PELP1: variants seen among roughly 807,000 people sequenced by gnomAD.
The protein encoded by PELP1 is proline-, glutamic acid- and leucine-rich protein 1.
A neutral mutation model predicts 95.5 loss-of-function variants in PELP1; 32 were observed. The ratio of observed to expected loss-of-function variants is 0.34; its 90% CI spans 0.25 to 0.45. The LOEUF is 0.45. Ranked by LOEUF, PELP1 falls within the 20% of genes least tolerant of loss-of-function variation. The probability of loss-of-function intolerance (pLI) is 1.00; values close to 1 mark genes in which losing one functional copy is unlikely to be tolerated. For missense variants in PELP1, 1,358 were observed against 1,444.8 expected (o/e 0.94, Z 0.97); for synonymous variants, 668 against 600.1 (o/e 1.11, Z -1.65).
chr17:4,703,970 G>C lies in PELP1; in HGVS notation c.142C>G (p.Arg48Gly). 1 of 1,613,604 alleles carries C rather than the reference G, an allele frequency of 6.2e-7. No homozygotes were observed. Among genetic ancestry groups the C allele is most frequent in the African/African-American group, 1.3e-5 (1 of 75,042 alleles). ...LESVSGLLQP[R>G]TGSAVAPVHP... ...ACCGGAGCAACGGCAGACCCCGTTCGAGGTTGCAGCAAACCAGAAACACTC... is the reference window on the plus strand; with the variant it reads ...ACCGGAGCAACGGCAGACCCCGTTCCAGGTTGCAGCAAACCAGAAACACTC... The change falls in exon 1 of 17, where the codon CGA (arginine) becomes GGA (glycine). Residue 48 changes from arginine (R) to glycine (G), a missense_variant. Physicochemically the swap from Arg to Gly is moderately radical, Grantham distance 125 (BLOSUM62 -2). Around this residue, in one of 7 missense-constraint regions of PELP1, gnomAD observed 169 missense variants for 134.9 expected, o/e 1.25. Coordinates refer to ENST00000572293, the MANE Select transcript of PELP1 (RefSeq NM_014389.3).
intron 1 of PELP1, among the ~76,000 whole-genome samples, chr17:4,695,909 C>T (rs566428160): frequency 2.6e-5 from 4 of 151,446 alleles, no homozygotes; most frequent in East Asian, 3.9e-4. Flanking sequence ...TCAGGTGATC[C>T]GCCCACCTTG....
Position 4,674,514 on chromosome 17 carries a change from GA to G in PELP1, c.1577del (p.Leu526ProfsTer40). On this transcript the variant is annotated frameshift_variant, in exon 13 of 17. Coordinates refer to ENST00000572293, the MANE Select transcript of PELP1 (RefSeq NM_014389.3). LOFTEE classifies it high-confidence loss of function. The part of the protein sequence containing the change: ...NANSDVCAAA[L>X]RGLSRTILMC... Reference sequence around the variant, plus strand: ...CAGGGCACAGGCCTCACCCACCTCTGAGTGCAGCCGCACACACGTCGCTGTT... The same window carrying G: ...CAGGGCACAGGCCTCACCCACCTCTGGTGCAGCCGCACACACGTCGCTGTT... The G allele has an allele frequency of 6.2e-7, 1 of 1,612,118 alleles. No homozygotes were observed. The highest frequency in any genetic ancestry group is 8.5e-7 in the Non-Finnish European group (1 of 1,179,230).
intron 1 of PELP1, among the ~76,000 whole-genome samples, chr17:4,697,823 T>C (rs1052293636): frequency 3.3e-5 from 5 of 151,856 alleles, no homozygotes; most frequent in Non-Finnish European, 4.4e-5. Context: ...GATGTTAAAA[T>C]GAGTGGGTGA....
At chr17:4,676,564 C>G (rs925948221) in intron 6 of PELP1, 57 bp from the exon 7 acceptor site, 1 of 1,595,922 alleles carries the variant, frequency 6.3e-7, no homozygotes. Flanking sequence ...GCCACAGAAC[C>G]CCCAGCCCCA....
chr17:4,693,344 C>T (rs1445627298), intron 1 of PELP1, among the ~76,000 whole-genome samples: 2 of 152,208 alleles, frequency 1.3e-5, no homozygotes, highest in African/African-American at 4.8e-5. Context: ...CCCTTATCTG[C>T]AGGGGGTGCT....
chr17:4,693,375 C>A (rs1913181746), intron 1 of PELP1, among the ~76,000 whole-genome samples: 3 of 152,222 alleles, frequency 2.0e-5, no homozygotes, highest in Admixed American at 2.0e-4. Flanking sequence ...CAGGCAGGTG[C>A]CTGAAACCTC....
In PELP1 at chr17:4,672,447, AGGC is replaced by A. The variant is rs763233619; in HGVS notation, c.2541_2543del (p.Pro848del). The A allele has an allele frequency of 2.0e-6, 3 of 1,530,682 alleles. No homozygotes were observed. Among genetic ancestry groups the A allele is most frequent in the Non-Finnish European group, 1.8e-6 (2 of 1,130,744 alleles). The allele number at this position is 1,530,682 out of a possible 1,614,324, so 94.8% of individuals were successfully genotyped here. A position where few individuals can be genotyped will look rare whatever the true frequency, so the allele number is the denominator to read the frequency against. ...GAGGGAGCGTCACAGGACCAGGAACAGGCGGCGGCGGAGGTGGGGGTGGCGGGA... is the reference window on the plus strand; with the variant it reads ...GAGGGAGCGTCACAGGACCAGGAACAGGCGGCGGAGGTGGGGGTGGCGGGA... On this transcript the variant is annotated inframe_deletion, in exon 16 of 17. Coordinates refer to ENST00000572293, the MANE Select transcript of PELP1 (RefSeq NM_014389.3).
intron 3 of PELP1, among the ~76,000 whole-genome samples, chr17:4,688,565 A>G (rs1388587320): frequency 1.3e-4 from 20 of 152,202 alleles, no homozygotes; most frequent in Admixed American, 1.3e-3. Flanking sequence ...TAAGCTGAGA[A>G]TAAAATCAAG....
Position 4,671,299 on chromosome 17 carries a change from G to T in PELP1, c.*140C>A. The T allele has an allele frequency of 1.6e-6, 1 of 641,822 alleles. No homozygotes were observed. Among genetic ancestry groups the T allele is most frequent in the Non-Finnish European group, 2.8e-6 (1 of 354,974 alleles). The allele number at this position is 641,822 out of a possible 1,614,324, so 39.8% of individuals were successfully genotyped here. A position where few individuals can be genotyped will look rare whatever the true frequency, so the allele number is the denominator to read the frequency against. ...GAGGACAGCTATGGAGACATCTGGG[G>T]AATACTATGGACACCCTGAAAAGCC... is the stretch of plus-strand genomic sequence containing the variant. On this transcript the variant is annotated 3_prime_UTR_variant, in exon 17 of 17. Coordinates refer to ENST00000572293, the MANE Select transcript of PELP1 (RefSeq NM_014389.3).
chr17:4,700,466 G>A (rs1913480256), intron 1 of PELP1, among the ~76,000 whole-genome samples: 1 of 152,042 alleles, frequency 6.6e-6, no homozygotes, highest in Non-Finnish European at 1.5e-5. Context: ...CCAACATGGT[G>A]AAACTCCGTC....
chr17:4,703,310 C>T (rs769868374), intron 1 of PELP1, among the ~76,000 whole-genome samples: 1 of 152,280 alleles, frequency 6.6e-6, no homozygotes, highest in Non-Finnish European at 1.5e-5. Flanking sequence ...CTACCCAACC[C>T]CTATTCATCC....
intron 4 of PELP1, 40 bp from the exon 5 acceptor site, chr17:4,682,613 A>G: frequency 1.3e-6 from 2 of 1,532,668 alleles, no homozygotes; most frequent in Non-Finnish European, 1.8e-6. Context: ...GGCTGCGAGC[A>G]CCATGTCACC....
Position 4,703,931 on chromosome 17 carries a change from G to T in PELP1, c.181C>A (p.Arg61Ser). 4 of 1,613,598 alleles carry T rather than the reference G, an allele frequency of 2.5e-6. No homozygotes were observed. Among genetic ancestry groups the T allele is most frequent in the Non-Finnish European group, 3.4e-6 (4 of 1,179,734 alleles). The change falls in exon 1 of 17, where the codon CGC becomes AGC. Residue 61 changes from arginine to serine, a missense_variant. Arg to Ser is a moderately radical substitution (Grantham distance 110, BLOSUM62 -1). This residue lies in a region of PELP1 where 169 missense variants were observed against 134.9 expected (regional missense o/e 1.25). Transcript: ENST00000572293. ...SAVAPVHPPNRSAPHLPGLMC... is the reference protein window; with the variant it reads ...SAVAPVHPPNSSAPHLPGLMC... ...AGCCCGGGCAAATGTGGGGCCGAGC[G>T]GTTTGGGGGATGCACCGGAGCAACG...
intron 12 of PELP1, 69 bp downstream of exon 12, chr17:4,674,740 T>A: frequency 1.3e-6 from 2 of 1,586,076 alleles, no homozygotes; most frequent in East Asian, 2.2e-5. Context: ...GCAGACAGTG[T>A]TTCCTGAGCA....
Position 4,675,523 on chromosome 17 carries a change from G to T in PELP1, c.1069-161C>A. 1 of 713,326 alleles carries T rather than the reference G, an allele frequency of 1.4e-6. No homozygotes were observed. The highest frequency in any genetic ancestry group is 2.5e-6 in the Non-Finnish European group (1 of 394,416). The allele number at this position is 713,326 out of a possible 1,614,324, so 44.2% of individuals were successfully genotyped here. ...AATCAAACCCCTATCCTCTAAAATA[G>T]ACCCTGGATGGAAGGTAAGAAGGAT... On this transcript the variant is annotated intron_variant, in intron 9 of 16. Transcript: ENST00000572293. The surrounding 1 kb of genome is among the most constrained non-coding windows in gnomAD (Gnocchi z 4.3).
intron 1 of PELP1, among the ~76,000 whole-genome samples, chr17:4,695,019 C>T (rs1057158208): frequency 6.6e-6 from 1 of 150,828 alleles, no homozygotes; most frequent in Non-Finnish European, 1.5e-5. Context: ...CAATGTGAGA[C>T]TCCATTTCGA....
chr17:4,695,863 C>T (rs946222977), intron 1 of PELP1, among the ~76,000 whole-genome samples: 14 of 151,278 alleles, frequency 9.3e-5, no homozygotes, highest in Non-Finnish European at 1.8e-4. Context: ...GGTGTGGTTT[C>T]ACCATATTGG....
At chr17:4,681,971 C>A (rs984196780) in intron 5 of PELP1, among the ~76,000 whole-genome samples, 8 of 152,014 alleles carry the variant, frequency 5.3e-5, no homozygotes, top group African/African-American at 1.9e-4. Flanking sequence ...CAAGACCAGC[C>A]TGGGTAACAT....
At chr17:4,685,600 G>C (rs533659261) in intron 3 of PELP1, among the ~76,000 whole-genome samples, 2 of 148,132 alleles carry the variant, frequency 1.4e-5, no homozygotes, top group South Asian at 4.4e-4. Context: ...GACCAGCCTG[G>C]ACAATATAGC....
Sources: gnomAD v4.1 joint callset for allele counts (sites outside exome capture counted in the v4.1 genomes callset) on GRCh38, gnomAD v4.1.1 for gene constraint, gnomAD v4.1.1 regional missense constraint, Gnocchi (gnomAD v3.1) non-coding constraint, MANE v1.5 for transcripts, NCBI Gene and HGNC (gene_info 2026-07-23, HGNC 2026-07-21) for gene names.